The following NUP214 variants were observed in gnomAD, a reference collection of about 807,000 sequenced individuals.
The protein encoded by NUP214 is nuclear pore complex protein Nup214.
In NUP214, 79 loss-of-function variants were observed where a neutral mutation model predicts 196.2. That is an observed-to-expected ratio of 0.40 (90% CI 0.34 to 0.49). The LOEUF (loss-of-function observed/expected upper bound fraction) is 0.49. Among genes scored for constraint, NUP214 ranks in the 20% least tolerant of loss-of-function variants. NUP214 has a pLI of 0.58. For missense variants in NUP214, 2,468 were observed against 2,539.0 expected, an observed-to-expected ratio of 0.97 and a Z score of 0.60; for synonymous variants, 1,020 against 990.5, an observed-to-expected ratio of 1.03 and a Z score of -0.56.
intron 5 of NUP214, among the ~76,000 whole-genome samples, chr9:131,131,164 A>G (rs1251692367): frequency 6.6e-6 from 1 of 152,142 alleles, no homozygotes; most frequent in African/African-American, 2.4e-5. Context: ...AGTCCATTCC[A>G]TAAAAACAGC....
At chr9:131,162,112 C>A (rs550762433) in intron 18 of NUP214, among the ~76,000 whole-genome samples, 2 of 152,192 alleles carry the variant, frequency 1.3e-5, no homozygotes, top group South Asian at 2.1e-4. Context: ...AGATTAGACA[C>A]CCCTGCTGTA....
intron 17 of NUP214, among the ~76,000 whole-genome samples, chr9:131,152,112 T>A (rs868770783): frequency 6.6e-5 from 10 of 151,692 alleles, no homozygotes; most frequent in South Asian, 2.1e-4. Flanking sequence ...AGATTTTTTT[T>A]AAAATACTTT....
intron 30 of NUP214, among the ~76,000 whole-genome samples, chr9:131,202,885 T>C (rs1307442920): frequency 6.6e-6 from 1 of 151,890 alleles, no homozygotes; most frequent in Admixed American, 6.5e-5. Context: ...AGCTAGCAGT[T>C]ATCTATGTGC....
intron 17 of NUP214, among the ~76,000 whole-genome samples, chr9:131,157,464 T>TG (rs933798718): frequency 7.1e-6 from 1 of 140,540 alleles, no homozygotes; most frequent in African/African-American, 2.7e-5. Context: ...CTGGCGTTTT[T>TG]TTTTTTTTTT....
intron 30 of NUP214, among the ~76,000 whole-genome samples, chr9:131,214,042 G>A (rs1020671484): frequency 6.6e-6 from 1 of 152,262 alleles, no homozygotes; most frequent in South Asian, 2.1e-4. Context: ...TGTGGACGTA[G>A]ACTGTAGTGG....
chr9:131,209,561 T>C (rs1258400344), intron 30 of NUP214, among the ~76,000 whole-genome samples: 1 of 152,030 alleles, frequency 6.6e-6, no homozygotes, highest in African/African-American at 2.4e-5. Flanking sequence ...ACCTGGCTAC[T>C]TTTTGTATTT....
intron 22 of NUP214, among the ~76,000 whole-genome samples, chr9:131,174,924 T>C (rs1287235347): frequency 6.6e-6 from 1 of 152,236 alleles, no homozygotes; most frequent in African/African-American, 2.4e-5. Context: ...CAGATCTTTT[T>C]CAGAAGTAAA....
chr9:131,222,818 T>C lies in NUP214; in HGVS notation c.5790T>C (p.Phe1930=). 1 of 1,614,186 alleles carries C rather than the reference T, an allele frequency of 6.2e-7. No individual in the cohort carries two copies. The highest frequency in any genetic ancestry group is 1.1e-5 in the South Asian group (1 of 91,078). ...NLFGNSGAKT[F]GGFASSSFGE... Reference sequence around the variant, plus strand: ...TTGGAAACAGTGGGGCCAAGACATTTGGTGGATTTGCCAGCTCGTCGTTTG... The same window carrying C: ...TTGGAAACAGTGGGGCCAAGACATTCGGTGGATTTGCCAGCTCGTCGTTTG... The change falls in exon 32 of 36, where the codon TTT becomes TTC. Residue 1930 remains phenylalanine, a synonymous_variant. Transcript: ENST00000359428.
chr9:131,206,868 C>A (rs1834102205), intron 30 of NUP214, among the ~76,000 whole-genome samples: 2 of 152,224 alleles, frequency 1.3e-5, no homozygotes, highest in African/African-American at 4.8e-5. Flanking sequence ...ATTGTTACTT[C>A]CCCTTCCACT....
intron 30 of NUP214, among the ~76,000 whole-genome samples, chr9:131,205,879 C>T (rs1588166676): frequency 1.3e-5 from 2 of 152,180 alleles, no homozygotes. Flanking sequence ...GACAGGGTTT[C>T]GCCATGTTGG....
intron 30 of NUP214, among the ~76,000 whole-genome samples, chr9:131,209,753 A>G (rs957990563): frequency 1.3e-5 from 2 of 152,214 alleles, no homozygotes; most frequent in African/African-American, 4.8e-5. Context: ...TAAGTGCAAC[A>G]ATAATTTATT....
chr9:131,213,000 T>G (rs1193500474), intron 30 of NUP214, among the ~76,000 whole-genome samples: 1 of 152,146 alleles, frequency 6.6e-6, no homozygotes, highest in Non-Finnish European at 1.5e-5. Flanking sequence ...ATTTTGTAGT[T>G]TTTAGATTTT....
At chr9:131,229,107 G>GT (rs1834802125) in intron 33 of NUP214, 2 of 153,250 alleles carry the variant, frequency 1.3e-5, no homozygotes, top group South Asian at 2.0e-4. Context: ...TGAGCTGAAG[G>GT]TTTGGGGGAG....
At chr9:131,129,708 A>G (rs890371799) in intron 4 of NUP214, among the ~76,000 whole-genome samples, 1 of 152,134 alleles carries the variant, frequency 6.6e-6, no homozygotes, top group Admixed American at 6.5e-5. Flanking sequence ...GGTTCAAGCA[A>G]TTCTCGTGCC....
At chr9:131,208,172 A>G (rs552583431) in intron 30 of NUP214, among the ~76,000 whole-genome samples, 8 of 152,350 alleles carry the variant, frequency 5.3e-5, no homozygotes, top group African/African-American at 1.9e-4. Flanking sequence ...TGGTTTCTCA[A>G]AAAGCTAAAT....
intron 16 of NUP214, among the ~76,000 whole-genome samples, chr9:131,151,142 C>T (rs568289126): frequency 2.6e-5 from 4 of 152,310 alleles, no homozygotes; most frequent in East Asian, 3.9e-4. Flanking sequence ...TATTTTAGGA[C>T]ATATGCAGTA....
chr9:131,179,352 C>T (rs1833202651), intron 24 of NUP214, among the ~76,000 whole-genome samples: 1 of 152,208 alleles, frequency 6.6e-6, no homozygotes, highest in Non-Finnish European at 1.5e-5. Context: ...AGGGTGCTGA[C>T]TCCCTCCCGC....
chr9:131,192,941 C>CAAAA lies in NUP214; in HGVS notation c.3659+673_3659+676dup, dbSNP rs34653431. On this transcript the variant is annotated intron_variant, in intron 27 of 35. Coordinates refer to ENST00000359428, the MANE Select transcript of NUP214 (RefSeq NM_005085.4). ...GGGCAACAGAGTGAAACCCCGTCTC[C>CAAAA]AAAAAAAAAAAAAAAAAAAAAAAAA... Among the ~76,000 whole-genome samples the CAAAA allele has an allele frequency of 1.1e-3, 34 of 31,046 alleles. 1 individual carries two copies. Among genetic ancestry groups the CAAAA allele is most frequent in the African/African-American group, 2.2e-3 (18 of 8,250 alleles). The allele number at this position is 31,046 out of a possible 152,430, so 20.4% of individuals were successfully genotyped here. A position where few individuals can be genotyped will look rare whatever the true frequency, so the allele number is the denominator to read the frequency against.
chr9:131,221,271 G>GTACCTGACA (rs1032361495), intron 31 of NUP214, among the ~76,000 whole-genome samples: 3 of 152,198 alleles, frequency 2.0e-5, no homozygotes, highest in African/African-American at 7.2e-5. Flanking sequence ...CCAGCTGCCA[G>GTACCTGACA]TACCTGACAT....
Sources: gnomAD v4.1 joint callset for allele counts (sites outside exome capture counted in the v4.1 genomes callset) on GRCh38, gnomAD v4.1.1 for gene constraint, MANE v1.5 for transcripts, NCBI Gene and HGNC (gene_info 2026-07-23, HGNC 2026-07-21) for gene names.